The following FMO1 variants were observed in gnomAD, a reference collection of about 807,000 sequenced individuals.
The protein encoded by FMO1 is flavin containing dimethylaniline monoxygenase 1, also known as flavin-containing monooxygenase 1.
A neutral mutation model predicts 45.4 loss-of-function variants in FMO1; 36 were observed. The ratio of observed to expected loss-of-function variants is 0.79; its 90% CI spans 0.61 to 1.05. The LOEUF is 1.05. Among genes scored for constraint, FMO1 ranks in the 50% least tolerant of loss-of-function variants. FMO1 has a pLI of 0.00. For synonymous variants in FMO1, 228 were observed against 227.2 expected (o/e 1.00, Z -0.03); for missense variants, 615 against 640.3 (o/e 0.96, Z 0.43).
At chr1:171,256,839 G>T (rs1660180741) in intron 1 of FMO1, among the ~76,000 whole-genome samples, 1 of 152,104 alleles carries the variant, frequency 6.6e-6, no homozygotes, top group South Asian at 2.1e-4. Context: ...GAAAAATTAT[G>T]TCTTTGGGGG....
chr1:171,282,467 G>A, intron 7 of FMO1, 134 bp downstream of exon 7: 1 of 627,880 alleles, frequency 1.6e-6, no homozygotes, highest in East Asian at 2.7e-5. Context: ...GCATTCTATT[G>A]TTTGCTGAAT....
intron 3 of FMO1, among the ~76,000 whole-genome samples, chr1:171,273,311 G>T (rs183265841): frequency 6.6e-6 from 1 of 152,262 alleles, no homozygotes; most frequent in East Asian, 1.9e-4. Context: ...TTTATCAGCA[G>T]TGTGAAAATG....
At position 171,282,132 on chromosome 1, in the gene FMO1, G is replaced by T; in HGVS notation, c.982G>T (p.Ala328Ser). The T allele has an allele frequency of 6.2e-7, 1 of 1,613,978 alleles. No individual in the cohort carries two copies. The highest frequency in any genetic ancestry group is 1.1e-5 in the South Asian group (1 of 91,072). ...AGAGCCTATTGACATCATTGTCTTT[G>T]CCACTGGATACACATTTGCTTTCCC... ...KEEPIDIIVF[A>S]TGYTFAFPFL... The change falls in exon 7 of 9, where the codon GCC (alanine) becomes TCC (serine). Residue 328 changes from alanine to serine, a missense_variant. Transcript: ENST00000617670.
intron 5 of FMO1, among the ~76,000 whole-genome samples, chr1:171,279,089 CT>C (rs35698046): frequency 0.015 from 2,121 of 137,688 alleles, 38 homozygotes; most frequent in African/African-American, 0.044. Context: ...CTTCTTTTTA[CT>C]TTTTTTTTTT....
At chr1:171,252,805 G>A (rs567021318) in intron 1 of FMO1, among the ~76,000 whole-genome samples, 118 of 152,204 alleles carry the variant, frequency 7.8e-4, no homozygotes, top group Non-Finnish European at 1.4e-3. Context: ...TAACAGGTGG[G>A]GGTGAGGGGA....
At chr1:171,281,050 T>C (rs2101841833) in intron 6 of FMO1, 65 bp downstream of exon 6, 10 of 1,375,174 alleles carry the variant, frequency 7.3e-6, no homozygotes, top group Non-Finnish European at 9.3e-6. Flanking sequence ...CAGCAGCCTA[T>C]ACAAGCCAGG....
chr1:171,283,296 A>G, intron 8 of FMO1, 80 bp downstream of exon 8: 1 of 543,586 alleles, frequency 1.8e-6, no homozygotes, highest in Non-Finnish European at 2.9e-6. Context: ...AAAAAAAAAA[A>G]AGGAAATGAA....
At chr1:171,271,953 A>G (rs888068209) in intron 3 of FMO1, among the ~76,000 whole-genome samples, 2 of 152,138 alleles carry the variant, frequency 1.3e-5, no homozygotes, top group African/African-American at 4.8e-5. Flanking sequence ...AAGGAGCCAA[A>G]TGTTAATTCC....
At chr1:171,265,470 A>G (rs1406032607) in intron 2 of FMO1, among the ~76,000 whole-genome samples, 2 of 152,306 alleles carry the variant, frequency 1.3e-5, no homozygotes, top group South Asian at 2.1e-4. Flanking sequence ...AAAAAATACA[A>G]AATGTAAATT....
rs1389597761 is a variant in FMO1, at chr1:171,248,536, C to T, written c.-94C>T. 1 of 152,198 alleles carries T rather than the reference C, an allele frequency of 6.6e-6. No individual in the cohort carries two copies. The highest frequency in any genetic ancestry group is 1.5e-5 in the Non-Finnish European group (1 of 68,036). The allele number at this position is 152,198 out of a possible 1,614,324, so 9.4% of individuals were successfully genotyped here. On this transcript the variant is annotated 5_prime_UTR_variant, in exon 1 of 9. Coordinates refer to ENST00000617670, the MANE Select transcript of FMO1 (RefSeq NM_001282693.2). ...TGTGCTGGGGACTCCCAAGCCAGCA[C>T]TGGCTCATACTGATTCATTTTGATC...
In FMO1 at chr1:171,281,013, T is replaced by C. The variant is rs777939994; in HGVS notation, c.827+28T>C. The stretch of plus-strand genomic sequence containing the variant: ...AAATATAATGTGACTGCCAAGGGCT[T>C]TTAGGAAGAAGGAGCCTCTGCCTGT... On this transcript the variant is annotated intron_variant, in intron 6 of 8. Transcript: ENST00000617670. The C allele has an allele frequency of 1.7e-5, 27 of 1,599,148 alleles. 1 individual carries two copies. In the South Asian group the frequency reaches 2.6e-4, roughly 16 times the overall value.
intron 8 of FMO1, 129 bp from the exon 9 acceptor site, chr1:171,285,073 A>G (rs1024425784): frequency 1.7e-6 from 1 of 590,766 alleles, no homozygotes; most frequent in Non-Finnish European, 2.9e-6. Context: ...AGGTAGGGAA[A>G]TAAAGGGGAA....
chr1:171,282,072 GAAA>G lies in FMO1; in HGVS notation c.924_926del (p.Glu308_Asn309delinsAsp). 63 of 1,613,846 alleles carry G rather than the reference GAAA, an allele frequency of 3.9e-5. No homozygotes were observed. Among genetic ancestry groups the G allele is most frequent in the Non-Finnish European group, 5.3e-5 (63 of 1,179,854 alleles). ...CAGGCCAAGCATAAAAGAGGTAAAG[GAAA>G]ACTCTGTCATATTTAACAATACTTC... On this transcript the variant is annotated inframe_deletion, in exon 7 of 9. Coordinates refer to ENST00000617670, the MANE Select transcript of FMO1 (RefSeq NM_001282693.2).
At position 171,275,421 on chromosome 1, in the gene FMO1, G is replaced by C; in HGVS notation, c.397G>C (p.Glu133Gln). ...GQWEVVTMHE[E>Q]KQESAIFDAV... is the part of the protein sequence containing the mutation. The stretch of plus-strand genomic sequence containing the variant: ...ATGGGAGGTGGTCACTATGCATGAA[G>C]AGAAGCAAGAGTCAGCCATCTTTGA... The change falls in exon 4 of 9, where the codon GAG (glutamate) becomes CAG (glutamine). Residue 133 changes from glutamate to glutamine, a missense_variant. Transcript: ENST00000617670. 2 of 1,613,816 alleles carry C rather than the reference G, an allele frequency of 1.2e-6. No individual in the cohort carries two copies. Among genetic ancestry groups the C allele is most frequent in the Non-Finnish European group, 1.7e-6 (2 of 1,179,716 alleles).
chr1:171,256,127 G>C (rs1660138854), intron 1 of FMO1, among the ~76,000 whole-genome samples: 3 of 151,860 alleles, frequency 2.0e-5, no homozygotes, highest in Admixed American at 1.3e-4. Flanking sequence ...CAAAAAATTA[G>C]CCAGGCATGG....
rs898942920 is a variant in FMO1, at chr1:171,282,127, T to C, written c.977T>C (p.Val326Ala). Residue 326 changes from valine to alanine, a missense_variant, in exon 7 of 9, where the codon GTC becomes GCC. Transcript: ENST00000617670. ...AAGGAAGAGCCTATTGACATCATTG[T>C]CTTTGCCACTGGATACACATTTGCT... ...TSKEEPIDII[V>A]FATGYTFAFP... 7.4e-6 allele frequency: 12 copies of C among 1,614,052 alleles called. No individual in the cohort carries two copies. The Admixed American group carries it at 2.0e-4, about 27-fold the overall frequency.
chr1:171,266,614 T>C (rs1333891701), intron 2 of FMO1, among the ~76,000 whole-genome samples: 1 of 152,240 alleles, frequency 6.6e-6, no homozygotes, highest in Non-Finnish European at 1.5e-5. Context: ...GGAATCTATA[T>C]ATGATATCAA....
intron 6 of FMO1, 75 bp downstream of exon 6, chr1:171,281,060 G>A: frequency 8.3e-7 from 1 of 1,210,786 alleles, no homozygotes; most frequent in Admixed American, 1.8e-5. Flanking sequence ...TACAAGCCAG[G>A]CAGTACCACA....
intron 4 of FMO1, among the ~76,000 whole-genome samples, chr1:171,278,351 C>T (rs1025824027): frequency 7.2e-5 from 11 of 152,196 alleles, no homozygotes; most frequent in African/African-American, 2.7e-4. Context: ...AAGCTTCTTG[C>T]TTATGAAAAG....
Sources: allele counts gnomAD v4.1 joint callset (sites outside exome capture counted in the v4.1 genomes callset), GRCh38; gene constraint gnomAD v4.1.1; transcripts MANE v1.5; gene names NCBI Gene and HGNC (gene_info 2026-07-23, HGNC 2026-07-21).